Variants in UMAD1 observed in about 807,000 individuals in gnomAD.
UMAD1 encodes the protein UBAP1-MVB12-associated (UMA)-domain containing protein 1.
Under a neutral mutation model 6.1 loss-of-function variants are expected in UMAD1, and 8 were observed. The ratio of observed to expected loss-of-function variants is 1.30; its 90% CI spans 0.76 to 2.35. The LOEUF (loss-of-function observed/expected upper bound fraction) is 2.35. Ranked by LOEUF, UMAD1 falls within the 30% of genes most tolerant of loss-of-function variation. The pLI is 0.00. For synonymous variants in UMAD1, 56 were observed against 31.4 expected (o/e 1.78, Z -2.61); for missense variants, 130 against 78.4 (o/e 1.66, Z -2.49).
intron 2 of UMAD1, among the ~76,000 whole-genome samples, chr7:7,735,072 TA>T (rs148174018): frequency 0.081 from 12,259 of 151,958 alleles, 579 homozygotes; most frequent in African/African-American, 0.12. Context: ...ACCAATAGTG[TA>T]AAAAAAATTT....
intron 2 of UMAD1, among the ~76,000 whole-genome samples, chr7:7,799,086 A>G (rs936252076): frequency 6.6e-6 from 1 of 152,006 alleles, no homozygotes; most frequent in Non-Finnish European, 1.5e-5. Flanking sequence ...TTGCTTATTT[A>G]TTTTTATAGT....
intron 3 of UMAD1, among the ~76,000 whole-genome samples, chr7:7,840,337 A>T (rs1224887482): frequency 6.6e-6 from 1 of 152,178 alleles, no homozygotes; most frequent in Non-Finnish European, 1.5e-5. Context: ...CCGACTGCAC[A>T]TCAGAATAAT....
chr7:7,685,314 C>CTTT (rs34968724), intron 2 of UMAD1, among the ~76,000 whole-genome samples: 3 of 143,738 alleles, frequency 2.1e-5, no homozygotes, highest in Non-Finnish European at 1.5e-5. Context: ...ACACATTGAT[C>CTTT]TTTTTTTTTT....
chr7:7,773,042 C>G (rs1413739139), intron 2 of UMAD1, among the ~76,000 whole-genome samples: 1 of 152,122 alleles, frequency 6.6e-6, no homozygotes, highest in African/African-American at 2.4e-5. Context: ...ACATGAGATG[C>G]TCTGCTATAG....
intron 1 of UMAD1, among the ~76,000 whole-genome samples, chr7:7,670,131 G>A (rs1475256014): frequency 6.6e-6 from 1 of 152,140 alleles, no homozygotes; most frequent in Admixed American, 6.6e-5. Context: ...TTAAAAACAG[G>A]TTGTTTGTTT....
At chr7:7,733,155 G>A (rs192050387) in intron 2 of UMAD1, among the ~76,000 whole-genome samples, 2 of 152,196 alleles carry the variant, frequency 1.3e-5, no homozygotes, top group East Asian at 1.9e-4. Flanking sequence ...AGTAGCACAC[G>A]ATACCCAGTT....
At chr7:7,861,726 A>C (rs931131752) in intron 3 of UMAD1, among the ~76,000 whole-genome samples, 1 of 152,262 alleles carries the variant, frequency 6.6e-6, no homozygotes, top group Non-Finnish European at 1.5e-5. Flanking sequence ...AATTCAAATT[A>C]CACAGAAAAT....
intron 3 of UMAD1, among the ~76,000 whole-genome samples, chr7:7,839,526 C>G (rs554295111): frequency 6.6e-6 from 1 of 151,988 alleles, no homozygotes; most frequent in African/African-American, 2.4e-5. Context: ...TTGCTGTACA[C>G]GAGAGCAGAG....
intron 2 of UMAD1, among the ~76,000 whole-genome samples, chr7:7,693,203 T>C (rs891302160): frequency 6.6e-6 from 1 of 152,156 alleles, no homozygotes; most frequent in African/African-American, 2.4e-5. Flanking sequence ...ATTTTACTAT[T>C]ACTACTGAAA....
At chr7:7,721,301 A>G (rs768816829) in intron 2 of UMAD1, among the ~76,000 whole-genome samples, 1 of 152,126 alleles carries the variant, frequency 6.6e-6, no homozygotes, top group African/African-American at 2.4e-5. Context: ...TTTTTCTGTC[A>G]TTTGGATTTT....
At chr7:7,832,198 T>A (rs1783480470) in intron 3 of UMAD1, among the ~76,000 whole-genome samples, 1 of 152,258 alleles carries the variant, frequency 6.6e-6, no homozygotes, top group East Asian at 1.9e-4. Context: ...GCATTGTATT[T>A]TGCCATTGAG....
chr7:7,706,721 T>C (rs1307715121), intron 2 of UMAD1, among the ~76,000 whole-genome samples: 1 of 152,214 alleles, frequency 6.6e-6, no homozygotes, highest in Non-Finnish European at 1.5e-5. Flanking sequence ...TGAGGTTGAC[T>C]AACTTGCGTA....
chr7:7,755,279 C>G (rs558344967), intron 2 of UMAD1, among the ~76,000 whole-genome samples: 2 of 152,216 alleles, frequency 1.3e-5, no homozygotes, highest in East Asian at 3.9e-4. Flanking sequence ...ACCACCAGTT[C>G]CTTTTAAAGA....
In UMAD1 at chr7:7,723,208, T is replaced by G. The variant is rs558046042; in HGVS notation, c.82+49755T>G. ...TGTGCTACACTTGAGAAGAACTGCT[T>G]AAATTTTTCAGTTTACATAAGCAGA... On this transcript the variant is annotated intron_variant, in intron 2 of 3. Transcript: ENST00000682710. Among the ~76,000 whole-genome samples the G allele has an allele frequency of 2.2e-4, 33 of 152,304 alleles. 1 individual carries two copies. The South Asian group carries it at 5.8e-3, about 27-fold the overall frequency.
At chr7:7,804,197 G>A (rs1373005200) in intron 3 of UMAD1, among the ~76,000 whole-genome samples, 1 of 152,160 alleles carries the variant, frequency 6.6e-6, no homozygotes, top group Non-Finnish European at 1.5e-5. Flanking sequence ...GCTCACTAAT[G>A]TAGAAAAAAA....
intron 2 of UMAD1, chr7:7,742,246 A>G (rs2115207289): frequency 1.3e-5 from 9 of 678,516 alleles, no homozygotes; most frequent in South Asian, 9.5e-5. Context: ...TGTTGGCTTT[A>G]ACATCCACAG....
intron 2 of UMAD1, among the ~76,000 whole-genome samples, chr7:7,710,358 T>C (rs1780723903): frequency 6.6e-6 from 1 of 151,538 alleles, no homozygotes. Flanking sequence ...AACTCAGCAG[T>C]AAAAAACAAA....
chr7:7,641,350 C>T (rs149348069), intron 1 of UMAD1, among the ~76,000 whole-genome samples: 3 of 152,154 alleles, frequency 2.0e-5, no homozygotes, highest in African/African-American at 7.2e-5. Flanking sequence ...GGGAGACAAG[C>T]TTAAATCGTT....
intron 2 of UMAD1, among the ~76,000 whole-genome samples, chr7:7,714,368 T>A (rs924128386): frequency 2.0e-5 from 3 of 152,252 alleles, no homozygotes; most frequent in African/African-American, 4.8e-5. Flanking sequence ...TGTTTGCTCC[T>A]AAATGTATGT....
Sources: allele counts gnomAD v4.1 joint callset (sites outside exome capture counted in the v4.1 genomes callset), GRCh38; gene constraint gnomAD v4.1.1; transcripts MANE v1.5; gene names NCBI Gene and HGNC (gene_info 2026-07-23, HGNC 2026-07-21).